The following PIGA variants were observed in gnomAD, a reference collection of about 807,000 sequenced individuals.
The protein encoded by PIGA is phosphatidylinositol N-acetylglucosaminyltransferase subunit A.
In PIGA, 3 loss-of-function variants were observed where a neutral mutation model predicts 17.1. The observed-to-expected ratio is 0.18, with a 90% confidence interval of 0.08 to 0.45. PIGA has a LOEUF of 0.45. PIGA is among the 20% of genes least tolerant of loss of function. PIGA has a pLI of 0.99. For missense variants in PIGA, 231 were observed against 374.1 expected, an observed-to-expected ratio of 0.62 and a Z score of 3.16; for synonymous variants, 126 against 135.1, an observed-to-expected ratio of 0.93 and a Z score of 0.47.
chrX:15,320,335 T>C lies in PIGA; in HGVS notation c.*1171A>G, dbSNP rs1921762682. 1 of 112,218 alleles carries C rather than the reference T, an allele frequency of 8.9e-6. No homozygotes were observed. Among genetic ancestry groups the C allele is most frequent in the Non-Finnish European group, 1.9e-5 (1 of 53,230 alleles). 9.2% of individuals were successfully genotyped at this position (112,218 alleles called of 1,213,427 possible). On this transcript the variant is annotated 3_prime_UTR_variant, in exon 6 of 6. Transcript: ENST00000333590. ...TCATAATACACACCATGTGGATAAT[T>C]TGGGGTTAAAAAACCCATGGCTCTG...
intron 5 of PIGA, among the ~76,000 whole-genome samples, chrX:15,324,042 T>C (rs1185598196): frequency 8.9e-6 from 1 of 112,419 alleles, no homozygotes; most frequent in Non-Finnish European, 1.9e-5. Flanking sequence ...TGTAATCTCC[T>C]ACCTAAGGGT....
At chrX:15,333,824 G>A (rs951871733) in intron 1 of PIGA, among the ~76,000 whole-genome samples, 6 of 112,205 alleles carry the variant, frequency 5.3e-5, no homozygotes, top group Middle Eastern at 4.6e-3. Flanking sequence ...CCTTCAGTGC[G>A]GTGTCTAAAG....
chrX:15,329,521 C>A (rs1412540958), intron 2 of PIGA, among the ~76,000 whole-genome samples: 1 of 111,536 alleles, frequency 9.0e-6, no homozygotes, highest in Non-Finnish European at 1.9e-5. Context: ...GCCCAGCACT[C>A]AAAGCCTGCA....
intron 2 of PIGA, among the ~76,000 whole-genome samples, chrX:15,329,700 GT>G (rs1268476610): frequency 9.0e-6 from 1 of 111,566 alleles, no homozygotes; most frequent in African/African-American, 3.3e-5. Flanking sequence ...AGAAGACACT[GT>G]TTTTTATAAC....
At position 15,335,384 on chromosome X, in the gene PIGA, CT is replaced by C. The variant is rs1243792439; in HGVS notation, c.-63+116del. ...GAGACCCTCCGACCCAACTTCCGGG[CT>C]TCGAACCGGGTCGGTTTCACCCCCT... On this transcript the variant is annotated intron_variant, in intron 1 of 5. Transcript: ENST00000333590. 4.4e-6 allele frequency: 3 copies of C among 687,715 alleles called. No individual in the cohort carries two copies. The African/African-American group carries it at 6.8e-5, about 16-fold the overall frequency. 56.7% of individuals were successfully genotyped at this position (687,715 alleles called of 1,213,427 possible). A position where few individuals can be genotyped will look rare whatever the true frequency, so the allele number is the denominator to read the frequency against.
At chrX:15,324,590 G>T in intron 5 of PIGA, 75 bp downstream of exon 5, 1 of 754,213 alleles carries the variant, frequency 1.3e-6, no homozygotes, top group Non-Finnish European at 2.0e-6. Flanking sequence ...AAACATCTAT[G>T]TAAGAAAAAG....
chrX:15,331,889 T>A lies in PIGA; in HGVS notation c.42A>T (p.Ser14=). The A allele has an allele frequency of 8.3e-7, 1 of 1,208,319 alleles. No homozygotes were observed. The highest frequency in any genetic ancestry group is 1.1e-6 in the Non-Finnish European group (1 of 893,119). Residue 14 remains serine (S), a synonymous_variant, in exon 2 of 6, where the codon TCA becomes TCT. Coordinates refer to ENST00000333590, the MANE Select transcript of PIGA (RefSeq NM_002641.4). ...CAGGGCTAACCCGAGAGAGTGTAGCTGAGGCACGGTGGCCATTCCCAGCTC... is the reference window on the plus strand; with the variant it reads ...CAGGGCTAACCCGAGAGAGTGTAGCAGAGGCACGGTGGCCATTCCCAGCTC... ...RGGAGNGHRA[S]ATLSRVSPGS... is the part of the protein sequence containing the mutation.
At chrX:15,327,812 T>C (rs1922031596) in intron 2 of PIGA, 3 of 112,198 alleles carry the variant, frequency 2.7e-5, no homozygotes, top group Middle Eastern at 4.6e-3. Flanking sequence ...AACAGAGTGC[T>C]TGCTATGACA....
intron 2 of PIGA, among the ~76,000 whole-genome samples, chrX:15,329,753 C>T (rs1922094813): frequency 9.0e-6 from 1 of 111,386 alleles, no homozygotes; most frequent in South Asian, 3.8e-4. Flanking sequence ...TCCACACATT[C>T]AACTGCAGTG....
At chrX:15,329,740 G>A (rs1922094239) in intron 2 of PIGA, among the ~76,000 whole-genome samples, 1 of 111,221 alleles carries the variant, frequency 9.0e-6, no homozygotes, top group South Asian at 3.8e-4. Context: ...TAGTAAACAA[G>A]CCTCCACACA....
In PIGA at chrX:15,335,473, G is replaced by A. The variant is rs182140906; in HGVS notation, c.-63+28C>T. On this transcript the variant is annotated intron_variant, in intron 1 of 5. Coordinates refer to ENST00000333590, the MANE Select transcript of PIGA (RefSeq NM_002641.4). ...CCATCCGAAAGCGGCCCAGAGCGCT[G>A]GAGAGGGGCGGCGCGACGCGCACTC... 2,068 of 988,272 alleles carry A rather than the reference G, an allele frequency of 2.1e-3. 24 individuals are homozygous for A. In the African/African-American group the frequency reaches 0.036, roughly 17 times the overall value. 81.4% of individuals were successfully genotyped at this position (988,272 alleles called of 1,213,427 possible). A position where few individuals can be genotyped will look rare whatever the true frequency, so the allele number is the denominator to read the frequency against.
Position 15,320,652 on chromosome X carries a change from G to A in PIGA, c.*854C>T, listed in dbSNP as rs1921777854. 2.7e-5 allele frequency: 3 copies of A among 112,028 alleles called. No homozygotes were observed. In the Admixed American group the frequency reaches 2.9e-4, roughly 11 times the overall value. 9.2% of individuals were successfully genotyped at this position (112,028 alleles called of 1,213,427 possible). A position where few individuals can be genotyped will look rare whatever the true frequency, so the allele number is the denominator to read the frequency against. Reference sequence around the variant, plus strand: ...GGAGGGTTTCTCTGCACTATCAACAGTGATATCGGTCCCCAGTATTTAAAA... The same window carrying A: ...GGAGGGTTTCTCTGCACTATCAACAATGATATCGGTCCCCAGTATTTAAAA... On this transcript the variant is annotated 3_prime_UTR_variant, in exon 6 of 6. Transcript: ENST00000333590.
intron 1 of PIGA, among the ~76,000 whole-genome samples, chrX:15,333,672 C>T (rs1922237109): frequency 8.9e-6 from 1 of 112,120 alleles, no homozygotes; most frequent in African/African-American, 3.2e-5. Flanking sequence ...CACAGCGAGA[C>T]TCCATCTCAA....
chrX:15,327,262 AAAAAAAAAAC>A (rs2147719737), intron 2 of PIGA: 1 of 108,494 alleles, frequency 9.2e-6, no homozygotes, highest in South Asian at 4.0e-4. Flanking sequence ...CCGTCTCAAA[AAAAAAAAAAC>A]AAAAAAAAAG....
intron 2 of PIGA, among the ~76,000 whole-genome samples, chrX:15,329,428 A>T (rs1338757885): frequency 9.0e-6 from 1 of 111,215 alleles, no homozygotes; most frequent in Non-Finnish European, 1.9e-5. Context: ...TTAAGTTCTG[A>T]CCCCACCCAA....
In PIGA at chrX:15,320,116, TTC is replaced by T. The variant is rs1438784412; in HGVS notation, c.*1388_*1389del. ...TAGTACAAACAAAACACAAATATATTTCTTTTATATCAGTGCAACCAGTTAAT... is the reference window on the plus strand; with the variant it reads ...TAGTACAAACAAAACACAAATATATTTTTTATATCAGTGCAACCAGTTAAT... On this transcript the variant is annotated 3_prime_UTR_variant, in exon 6 of 6. Coordinates refer to ENST00000333590, the MANE Select transcript of PIGA (RefSeq NM_002641.4). The T allele has an allele frequency of 2.0e-4, 23 of 112,902 alleles. No homozygotes were observed. Among genetic ancestry groups the T allele is most frequent in the Non-Finnish European group, 2.6e-4 (14 of 53,393 alleles). The allele number at this position is 112,902 out of a possible 1,213,427, so 9.3% of individuals were successfully genotyped here.
rs560790298 is a variant in PIGA at position 15,330,625 on chromosome X, C to T, written c.715+591G>A. On this transcript the variant is annotated intron_variant, in intron 2 of 5. Transcript: ENST00000333590. The stretch of plus-strand genomic sequence containing the variant: ...TACTTCTTTTTTTTTTCTTTAGAGA[C>T]GGAGTCTCGTTATGTCGCCCAGGCT... Among the ~76,000 whole-genome samples, 6 of 111,000 alleles carry T rather than the reference C, an allele frequency of 5.4e-5. No homozygotes were observed. The South Asian group carries it at 2.3e-3, about 42-fold the overall frequency.
rs770713954 is a variant in PIGA at position 15,326,146 on chromosome X, T to G, written c.716-100A>C. On this transcript the variant is annotated intron_variant, in intron 2 of 5. Coordinates refer to ENST00000333590, the MANE Select transcript of PIGA (RefSeq NM_002641.4). ...CACTTATTTTGAAAAGTATTAGCTA[T>G]GCACTCCATAAAGGAGAGAAACTCT... is the stretch of plus-strand genomic sequence containing the variant. The G allele has an allele frequency of 1.3e-3, 688 of 522,616 alleles. 1 individual carries two copies. Among genetic ancestry groups the G allele is most frequent in the Non-Finnish European group, 1.9e-3 (621 of 325,442 alleles). 43.1% of individuals were successfully genotyped at this position (522,616 alleles called of 1,213,427 possible).
At chrX:15,325,873 T>G in intron 3 of PIGA, 41 bp downstream of exon 3, 2 of 1,127,375 alleles carry the variant, frequency 1.8e-6, no homozygotes, top group African/African-American at 1.8e-5. Flanking sequence ...TAGAGATAAT[T>G]GACATCTTCT....
Sources: allele counts gnomAD v4.1 joint callset (sites outside exome capture counted in the v4.1 genomes callset), GRCh38; gene constraint gnomAD v4.1.1; transcripts MANE v1.5; gene names NCBI Gene and HGNC (gene_info 2026-07-23, HGNC 2026-07-21).